TLK1: variants seen among roughly 807,000 people sequenced by gnomAD.
TLK1 encodes the protein tousled like kinase 1.
Under a neutral mutation model 105.3 loss-of-function variants are expected in TLK1, and 24 were observed. That is an observed-to-expected ratio of 0.23 (90% CI 0.17 to 0.32). The LOEUF is 0.32. TLK1 is among the 10% of genes least tolerant of loss of function. The pLI is 1.00. For missense variants in TLK1, 558 were observed against 910.5 expected (o/e 0.61, Z 4.98); for synonymous variants, 321 against 310.4 (o/e 1.03, Z -0.36).
At chr2:171,102,348 A>G (rs1689727107) in intron 2 of TLK1, among the ~76,000 whole-genome samples, 1 of 152,154 alleles carries the variant, frequency 6.6e-6, no homozygotes, top group South Asian at 2.1e-4. Context: ...CCTTAAATAT[A>G]ATATTTTCTT....
chr2:171,170,687 G>A (rs1692711126), intron 1 of TLK1, among the ~76,000 whole-genome samples: 1 of 152,208 alleles, frequency 6.6e-6, no homozygotes, highest in South Asian at 2.1e-4. Context: ...GAGCGTAGCT[G>A]CCCCATAAGT....
At chr2:171,066,018 T>A (rs931517605) in intron 3 of TLK1, among the ~76,000 whole-genome samples, 4 of 152,222 alleles carry the variant, frequency 2.6e-5, no homozygotes, top group African/African-American at 9.6e-5. Context: ...CTGCTTTGTA[T>A]CCTATTTACA....
intron 1 of TLK1, among the ~76,000 whole-genome samples, chr2:171,203,876 C>T (rs1693448662): frequency 6.6e-6 from 1 of 151,996 alleles, no homozygotes; most frequent in African/African-American, 2.4e-5. Context: ...ATGGCGAAAC[C>T]CTATCTCTAC....
At chr2:171,077,868 G>A (rs961443603) in intron 3 of TLK1, among the ~76,000 whole-genome samples, 3 of 152,176 alleles carry the variant, frequency 2.0e-5, no homozygotes, top group African/African-American at 7.2e-5. Context: ...GTGAATTCAT[G>A]AGCTAATGAA....
At chr2:171,125,225 C>T (rs1298938485) in intron 1 of TLK1, among the ~76,000 whole-genome samples, 2 of 152,102 alleles carry the variant, frequency 1.3e-5, no homozygotes, top group African/African-American at 2.4e-5. Context: ...TGAGATATTC[C>T]ATTTTTAAGT....
intron 3 of TLK1, among the ~76,000 whole-genome samples, chr2:171,076,253 T>C (rs913104548): frequency 1.3e-5 from 2 of 151,740 alleles, no homozygotes; most frequent in Non-Finnish European, 1.5e-5. Context: ...AGGGGCCTCA[T>C]GAATGGATTA....
At chr2:171,190,256 G>A (rs553863591) in intron 1 of TLK1, among the ~76,000 whole-genome samples, 1 of 152,258 alleles carries the variant, frequency 6.6e-6, no homozygotes, top group African/African-American at 2.4e-5. Context: ...AGTTGAGTTA[G>A]TGCCAACCAT....
chr2:171,156,230 C>G (rs1028919783), intron 1 of TLK1, among the ~76,000 whole-genome samples: 1 of 152,164 alleles, frequency 6.6e-6, no homozygotes, highest in African/African-American at 2.4e-5. Flanking sequence ...AGACTGAAGG[C>G]AGACAAAAAA....
intron 3 of TLK1, 86 bp downstream of exon 3, chr2:171,082,695 G>C (rs981716723): frequency 1.9e-6 from 2 of 1,067,052 alleles, no homozygotes; most frequent in African/African-American, 3.2e-5. Context: ...TTTAGCAAAA[G>C]AACTGATGAA....
At chr2:171,110,162 T>C (rs1264533479) in intron 2 of TLK1, among the ~76,000 whole-genome samples, 1 of 152,198 alleles carries the variant, frequency 6.6e-6, no homozygotes, top group Admixed American at 6.5e-5. Context: ...ACACAAATGT[T>C]CCTCATCTAG....
chr2:171,081,666 TC>T, intron 3 of TLK1: 1 of 1,304,268 alleles, frequency 7.7e-7, no homozygotes, highest in Non-Finnish European at 1.0e-6. Flanking sequence ...GCAGATAAAG[TC>T]CCGTCACTTG....
At chr2:171,060,970 CA>C (rs1164786629) in intron 4 of TLK1, 110 bp downstream of exon 4, 1 of 1,108,986 alleles carries the variant, frequency 9.0e-7, no homozygotes, top group Non-Finnish European at 1.3e-6. Context: ...GTGCACACAC[CA>C]AAATTTACAA....
At chr2:171,157,222 A>T (rs777892279) in intron 1 of TLK1, among the ~76,000 whole-genome samples, 3 of 152,216 alleles carry the variant, frequency 2.0e-5, no homozygotes, top group Non-Finnish European at 4.4e-5. Context: ...CAATCATCTG[A>T]TTCTCAGCAA....
chr2:171,043,084 A>G (rs1031771599), intron 11 of TLK1, among the ~76,000 whole-genome samples: 1 of 152,242 alleles, frequency 6.6e-6, no homozygotes, highest in African/African-American at 2.4e-5. Context: ...TGGAGCAAAC[A>G]TGAAAATGTT....
intron 18 of TLK1, among the ~76,000 whole-genome samples, chr2:171,000,375 T>TA (rs1559333239): frequency 1.5e-4 from 6 of 39,722 alleles, no homozygotes; most frequent in East Asian, 1.0e-3. Flanking sequence ...CGAAACTCTG[T>TA]CAAAAAAAAA....
chr2:171,078,449 A>G (rs1165381761), intron 3 of TLK1, among the ~76,000 whole-genome samples: 3 of 152,120 alleles, frequency 2.0e-5, no homozygotes, highest in Non-Finnish European at 4.4e-5. Flanking sequence ...GAGGCAGGAG[A>G]ATCGCTTGAA....
intron 12 of TLK1, among the ~76,000 whole-genome samples, chr2:171,027,207 C>T (rs1310389003): frequency 6.6e-6 from 1 of 152,100 alleles, no homozygotes; most frequent in African/African-American, 2.4e-5. Context: ...ATGGAGACAA[C>T]TTCACAGATA....
intron 1 of TLK1, among the ~76,000 whole-genome samples, chr2:171,148,935 G>A (rs936259381): frequency 5.5e-5 from 8 of 146,104 alleles, no homozygotes; most frequent in Admixed American, 4.1e-4. Flanking sequence ...GTGCGTGTGC[G>A]TGTGTGTGTA....
chr2:171,075,304 T>A (rs1215830059), intron 3 of TLK1, among the ~76,000 whole-genome samples: 1 of 152,302 alleles, frequency 6.6e-6, no homozygotes, highest in South Asian at 2.1e-4. Flanking sequence ...CATATCCATA[T>A]AATTTAAAAT....
Sources: allele counts gnomAD v4.1 joint callset (sites outside exome capture counted in the v4.1 genomes callset), GRCh38; gene constraint gnomAD v4.1.1; transcripts MANE v1.5; gene names NCBI Gene and HGNC (gene_info 2026-07-23, HGNC 2026-07-21).